ZC3H7B: variants seen among roughly 807,000 people sequenced by gnomAD.
ZC3H7B encodes the protein zinc finger CCCH domain-containing protein 7B.
ZC3H7B carries 35 observed loss-of-function variants against 116.0 expected under a neutral mutation model. The observed-to-expected ratio is 0.30, with a 90% CI of 0.23 to 0.40. The LOEUF is 0.40. Among genes scored for constraint, ZC3H7B ranks in the 10% least tolerant of loss-of-function variants. The probability of loss-of-function intolerance (pLI) is 1.00; values close to 1 mark genes in which losing one functional copy is unlikely to be tolerated. For synonymous variants in ZC3H7B, 502 were observed against 545.6 expected, an observed-to-expected ratio of 0.92 and a Z score of 1.11; for missense variants, 1,011 against 1,321.5, an observed-to-expected ratio of 0.77 and a Z score of 3.64.
At chr22:41,332,835 C>G (rs7291458) in intron 7 of ZC3H7B, 15 of 152,812 alleles carry the variant, frequency 9.8e-5, no homozygotes, top group African/African-American at 3.6e-4. Flanking sequence ...GCTTGATAAC[C>G]TGGCACACAC....
chr22:41,322,520 T>TA (rs397973382), intron 2 of ZC3H7B, among the ~76,000 whole-genome samples: 45 of 152,188 alleles, frequency 3.0e-4, no homozygotes, highest in Admixed American at 6.5e-4. Context: ...TCTTTTTTTT[T>TA]ACACACAAAA....
At position 41,357,594 on chromosome 22, in the gene ZC3H7B, T is replaced by A; in HGVS notation, c.*165T>A. The A allele has an allele frequency of 9.9e-7, 1 of 1,015,216 alleles. No homozygotes were observed. Among genetic ancestry groups the A allele is most frequent in the Non-Finnish European group, 1.4e-6 (1 of 718,272 alleles). The allele number at this position is 1,015,216 out of a possible 1,614,324, so 62.9% of individuals were successfully genotyped here. A position where few individuals can be genotyped will look rare whatever the true frequency, so the allele number is the denominator to read the frequency against. ...CATCTTCTCCCCACCACCGCCCCGG[T>A]GTGCGTACCCAGGCGCACGTGCTGC... On this transcript the variant is annotated 3_prime_UTR_variant, in exon 23 of 23. Transcript: ENST00000352645. The surrounding 1 kb of genome is among the most constrained non-coding windows in gnomAD (Gnocchi z 5.4).
chr22:41,353,139 T>C (rs2036674395), intron 17 of ZC3H7B, among the ~76,000 whole-genome samples: 1 of 151,960 alleles, frequency 6.6e-6, no homozygotes, highest in Non-Finnish European at 1.5e-5. Context: ...CTTGTAAATA[T>C]CCCAGTACTG....
intron 1 of ZC3H7B, among the ~76,000 whole-genome samples, chr22:41,310,136 C>T (rs1039329503): frequency 4.6e-5 from 7 of 152,096 alleles, no homozygotes; most frequent in Admixed American, 6.6e-5. Context: ...ACCCGGGAGG[C>T]GGAGCTTACA....
At chr22:41,305,017 G>A (rs2036021104) in intron 1 of ZC3H7B, among the ~76,000 whole-genome samples, 3 of 152,164 alleles carry the variant, frequency 2.0e-5, no homozygotes, top group African/African-American at 7.2e-5. Context: ...TTCGAGACCA[G>A]ACCTGGCAAC....
chr22:41,353,104 G>A (rs1032595316), intron 17 of ZC3H7B, among the ~76,000 whole-genome samples: 20 of 151,966 alleles, frequency 1.3e-4, no homozygotes, highest in Admixed American at 4.6e-4. Context: ...AGAAAAAAAG[G>A]TCTTCAGGAG....
intron 1 of ZC3H7B, among the ~76,000 whole-genome samples, chr22:41,303,626 C>T (rs2036002639): frequency 1.3e-5 from 2 of 152,188 alleles, no homozygotes; most frequent in African/African-American, 4.8e-5. Flanking sequence ...AAACCTTAGG[C>T]CGAATTGTGT....
intron 1 of ZC3H7B, among the ~76,000 whole-genome samples, chr22:41,319,380 G>C (rs575448399): frequency 6.7e-6 from 1 of 149,678 alleles, no homozygotes; most frequent in African/African-American, 2.5e-5. Context: ...CAGCCTGGGC[G>C]ACAGAGCAGA....
intron 6 of ZC3H7B, 51 bp from the exon 7 acceptor site, chr22:41,332,120 G>A: frequency 1.2e-6 from 2 of 1,607,168 alleles, no homozygotes; most frequent in African/African-American, 1.3e-5. Flanking sequence ...GGGACCTTGA[G>A]CATCTTTTCA....
chr22:41,357,412 G>A lies in ZC3H7B; in HGVS notation c.2917G>A (p.Ala973Thr), dbSNP rs775907374. The part of the protein sequence containing the change: ...TPEAPAAAAT[A>T]TTGE ...AGAAGCCCCTGCTGCTGCTGCCACC[G>A]CCACCACTGGGGAGTAGGGCCAGGT... The change falls in exon 23 of 23, where the codon GCC becomes ACC. Residue 973 changes from alanine (A) to threonine (T), a missense_variant. Transcript: ENST00000352645. The surrounding 1 kb of genome is among the most constrained non-coding windows in gnomAD (Gnocchi z 5.4). 2.4e-5 allele frequency: 37 copies of A among 1,564,918 alleles called. 1 individual carries two copies. The highest frequency in any genetic ancestry group is 1.7e-4 in the Middle Eastern group (1 of 5,828).
At chr22:41,344,147 C>T (rs2036557418) in intron 13 of ZC3H7B, among the ~76,000 whole-genome samples, 1 of 152,244 alleles carries the variant, frequency 6.6e-6, no homozygotes, top group Non-Finnish European at 1.5e-5. Flanking sequence ...TCACGAATTG[C>T]TAAGGCCTTC....
At chr22:41,350,131 A>G (rs2036638197) in intron 16 of ZC3H7B, among the ~76,000 whole-genome samples, 1 of 152,112 alleles carries the variant, frequency 6.6e-6, no homozygotes, top group Non-Finnish European at 1.5e-5. Flanking sequence ...TGAGGAAGTG[A>G]CTTTTGACCA....
intron 11 of ZC3H7B, 59 bp downstream of exon 11, chr22:41,341,205 A>C (rs1208371289): frequency 2.5e-6 from 4 of 1,602,118 alleles, no homozygotes; most frequent in Non-Finnish European, 3.4e-6. Flanking sequence ...TGTGGGTTCT[A>C]GAGTTGGGGA....
intron 2 of ZC3H7B, among the ~76,000 whole-genome samples, chr22:41,322,064 C>T (rs1359084040): frequency 2.6e-5 from 4 of 151,136 alleles, no homozygotes; most frequent in Non-Finnish European, 5.9e-5. Context: ...TGGTCTCGAT[C>T]TCCTGACCTC....
chr22:41,356,281 C>A, intron 20 of ZC3H7B, 62 bp from the exon 21 acceptor site: 5 of 1,604,836 alleles, frequency 3.1e-6, no homozygotes, highest in Non-Finnish European at 4.3e-6. Flanking sequence ...CAAGTGGGGA[C>A]CATGGGGCAG....
chr22:41,320,821 C>T, intron 2 of ZC3H7B, 108 bp downstream of exon 2: 1 of 1,482,060 alleles, frequency 6.7e-7, no homozygotes, highest in South Asian at 1.2e-5. Flanking sequence ...CCTTTGCTGC[C>T]AAGGCTCCTG....
chr22:41,356,838 A>G (rs371192581), intron 22 of ZC3H7B, 30 bp downstream of exon 22: 25 of 1,611,842 alleles, frequency 1.6e-5, no homozygotes, highest in Non-Finnish European at 2.0e-5. Flanking sequence ...GCCTGGCGGG[A>G]CATGGGGTGG....
intron 1 of ZC3H7B, among the ~76,000 whole-genome samples, chr22:41,309,097 C>T (rs1351846240): frequency 1.2e-4 from 17 of 147,300 alleles, no homozygotes; most frequent in African/African-American, 3.7e-4. Context: ...CTGCAAGCTC[C>T]GCCTCCCGGG....
At position 41,359,825 on chromosome 22, in the gene ZC3H7B, G is replaced by A. The variant is rs915500908; in HGVS notation, c.*2396G>A. ...AGTTGTGAGCCTTCTAGGGCCCCAGGCTGGGAGGCTCAGAGGACTGAATCT... is the reference window on the plus strand; with the variant it reads ...AGTTGTGAGCCTTCTAGGGCCCCAGACTGGGAGGCTCAGAGGACTGAATCT... On this transcript the variant is annotated 3_prime_UTR_variant, in exon 23 of 23. Transcript: ENST00000352645. 2 of 151,458 alleles carry A rather than the reference G, an allele frequency of 1.3e-5. No individual in the cohort carries two copies. The highest frequency in any genetic ancestry group is 4.9e-5 in the African/African-American group (2 of 41,050). 9.4% of individuals were successfully genotyped at this position (151,458 alleles called of 1,614,324 possible). A position where few individuals can be genotyped will look rare whatever the true frequency, so the allele number is the denominator to read the frequency against.
Sources: gnomAD v4.1 joint callset for allele counts (sites outside exome capture counted in the v4.1 genomes callset) on GRCh38, gnomAD v4.1.1 for gene constraint, Gnocchi (gnomAD v3.1) non-coding constraint, MANE v1.5 for transcripts, NCBI Gene and HGNC (gene_info 2026-07-23, HGNC 2026-07-21) for gene names.